The following MUC22 variants were observed in gnomAD, a reference collection of about 807,000 sequenced individuals.
MUC22 encodes the protein mucin-22.
In MUC22, 24 loss-of-function variants were observed where a neutral mutation model predicts 40.3. The ratio of observed to expected loss-of-function variants is 0.60; its 90% confidence interval spans 0.43 to 0.84. The LOEUF (loss-of-function observed/expected upper bound fraction) is 0.84. MUC22 is among the 40% of genes least tolerant of loss of function. The probability of loss-of-function intolerance (pLI) is 0.00; values close to 1 mark genes in which losing one functional copy is unlikely to be tolerated. For synonymous variants in MUC22, 765 were observed against 844.5 expected (o/e 0.91, Z 1.63); for missense variants, 1,926 against 2,130.7 (o/e 0.90, Z 1.89).
exon 2 of MUC22, chr6:31,027,237 C>T (rs1414808053): frequency 1.3e-6 from 2 of 1,507,014 alleles, no homozygotes; most frequent in African/African-American, 1.4e-5. Flanking sequence ...CTACCACAGG[C>T]TCTGAGACCA....
chr6:31,027,703 G>C (rs1352917027), exon 2 of MUC22: 2 of 1,533,106 alleles, frequency 1.3e-6, no homozygotes, highest in African/African-American at 2.8e-5. Context: ...CACCACCACA[G>C]CCTCTACTGA....
intron 1 of MUC22, among the ~76,000 whole-genome samples, chr6:31,021,976 G>GT (rs1764817336): frequency 1.3e-5 from 2 of 152,004 alleles, no homozygotes; most frequent in African/African-American, 4.8e-5. Flanking sequence ...CTTCACTCCT[G>GT]AAGCCAGCGA....
At chr6:31,024,391 TG>T (rs1470503740) in intron 1 of MUC22, among the ~76,000 whole-genome samples, 1 of 49,446 alleles carries the variant, frequency 2.0e-5, no homozygotes, top group African/African-American at 6.6e-5. Flanking sequence ...TGAAGGATAA[TG>T]AGACAGATTC....
chr6:31,014,812 G>T (rs886430962), intron 1 of MUC22, among the ~76,000 whole-genome samples: 1 of 152,138 alleles, frequency 6.6e-6, no homozygotes. Context: ...TCAGCCCAAG[G>T]AGAGGGAAGA....
At position 31,027,427 on chromosome 6, in the gene MUC22, AC is replaced by A; in HGVS notation, c.1998del (p.Thr667ProfsTer9). On this transcript the variant is annotated frameshift_variant, in exon 2 of 4. Coordinates refer to ENST00000561890, the Ensembl canonical transcript of MUC22. LOFTEE classifies it high-confidence loss of function. ...AGTTTCTATCACAGACTCAGAGACCACCACCACCTGTACTGAAGGCTCTGAG... is the reference window on the plus strand; with the variant it reads ...AGTTTCTATCACAGACTCAGAGACCACACCACCTGTACTGAAGGCTCTGAG... The A allele has an allele frequency of 6.5e-7, 1 of 1,532,610 alleles. No homozygotes were observed. The highest frequency in any genetic ancestry group is 8.7e-7 in the Non-Finnish European group (1 of 1,144,826). The allele number at this position is 1,532,610 out of a possible 1,614,324, so 94.9% of individuals were successfully genotyped here.
At chr6:31,020,380 G>A (rs1764583502) in intron 1 of MUC22, among the ~76,000 whole-genome samples, 1 of 149,456 alleles carries the variant, frequency 6.7e-6, no homozygotes, top group Non-Finnish European at 1.5e-5. Flanking sequence ...TCAATATGAA[G>A]ATGAAATGAA....
chr6:31,027,670 A>G (rs1765548879), exon 2 of MUC22: 1 of 1,531,012 alleles, frequency 6.5e-7, no homozygotes, highest in African/African-American at 1.4e-5. Context: ...GGAGACCACC[A>G]CAGTCTTTAC....
intron 1 of MUC22, among the ~76,000 whole-genome samples, chr6:31,015,273 G>A (rs930595307): frequency 6.6e-6 from 1 of 152,108 alleles, no homozygotes; most frequent in African/African-American, 2.4e-5. Context: ...AGCCCTGGAA[G>A]GTCCTGTCTC....
exon 2 of MUC22, chr6:31,026,689 T>C: frequency 6.6e-7 from 1 of 1,505,784 alleles, no homozygotes; most frequent in South Asian, 1.2e-5. Flanking sequence ...CACTGCAGCC[T>C]CTACCACAGG....
At chr6:31,033,497 C>CT in intron 3 of MUC22, among the ~76,000 whole-genome samples, 1 of 152,326 alleles carries the variant, frequency 6.6e-6, no homozygotes, top group East Asian at 1.9e-4. Flanking sequence ...GCTCTCTGGT[C>CT]TTGATTGTTC....
chr6:31,030,553 A>C (rs1765986448), intron 2 of MUC22, among the ~76,000 whole-genome samples: 1 of 147,330 alleles, frequency 6.8e-6, no homozygotes, highest in African/African-American at 2.5e-5. Flanking sequence ...CTGGAATCCT[A>C]ATTGCCTCTA....
rs12526523 is a variant in MUC22 at position 31,022,220 on chromosome 6, A to G, written c.71-3282A>G. The stretch of plus-strand genomic sequence containing the variant: ...TGTGGCTTCATTCTTGAAGTCAGTG[A>G]GACCAAGAACCCACCAATTCCAGAC... On this transcript the variant is annotated intron_variant, in intron 1 of 3. Transcript: ENST00000561890. Among the ~76,000 whole-genome samples the G allele has an allele frequency of 4.6e-4, 70 of 152,322 alleles. 1 individual carries two copies. Among genetic ancestry groups the G allele is most frequent in the Admixed American group, 4.4e-3 (68 of 15,302 alleles).
At chr6:31,023,137 C>T (rs1581637349) in intron 1 of MUC22, among the ~76,000 whole-genome samples, 1 of 136,264 alleles carries the variant, frequency 7.3e-6, no homozygotes, top group African/African-American at 2.7e-5. Flanking sequence ...AAAAACAAAA[C>T]AAAACAAAAA....
chr6:31,021,826 A>C (rs1764774664), intron 1 of MUC22, among the ~76,000 whole-genome samples: 1 of 152,194 alleles, frequency 6.6e-6, no homozygotes, highest in African/African-American at 2.4e-5. Context: ...TGCCCGAGCC[A>C]GCAGTGGCAA....
intron 2 of MUC22, among the ~76,000 whole-genome samples, chr6:31,031,354 C>T (rs1336574017): frequency 6.6e-6 from 1 of 152,166 alleles, no homozygotes; most frequent in African/African-American, 2.4e-5. Flanking sequence ...GATGTCACCT[C>T]TGTCCCAGCC....
chr6:31,018,658 T>C (rs558566670), intron 1 of MUC22, among the ~76,000 whole-genome samples: 1 of 152,412 alleles, frequency 6.6e-6, no homozygotes, highest in South Asian at 2.1e-4. Context: ...TTCATTCCAA[T>C]TGGGGTCTAC....
chr6:31,022,554 A>C (rs1764937554), intron 1 of MUC22, among the ~76,000 whole-genome samples: 1 of 146,166 alleles, frequency 6.8e-6, no homozygotes, highest in Non-Finnish European at 1.5e-5. Context: ...TATATGGGTA[A>C]AAATAAAATT....
At chr6:31,029,942 A>G in exon 2 of MUC22, 1 of 1,517,740 alleles carries the variant, frequency 6.6e-7, no homozygotes, top group Non-Finnish European at 8.8e-7. Context: ...GCAAGCTTGG[A>G]GCCCACTGCA....
At chr6:31,009,826 T>G (rs948565043), upstream of MUC22, among the ~76,000 whole-genome samples, 1 of 152,222 alleles carries the variant, frequency 6.6e-6, no homozygotes, top group Admixed American at 6.5e-5. Flanking sequence ...CCCTGACCTA[T>G]GCTTAAGAGC....
Sources: gnomAD v4.1 joint callset for allele counts (sites outside exome capture counted in the v4.1 genomes callset) on GRCh38, gnomAD v4.1.1 for gene constraint, MANE v1.5 for transcripts, NCBI Gene and HGNC (gene_info 2026-07-23, HGNC 2026-07-21) for gene names.